Variants in MOB3B observed in about 807,000 individuals in gnomAD.
MOB3B encodes MOB kinase activator-like 2B.
A neutral mutation model predicts 18.7 loss-of-function variants in MOB3B; 7 were observed. The ratio of observed to expected loss-of-function variants is 0.37; its 90% CI spans 0.21 to 0.70. The LOEUF (loss-of-function observed/expected upper bound fraction) is 0.70. Among genes scored for constraint, MOB3B ranks in the 30% least tolerant of loss-of-function variants. The pLI is 0.52. For missense variants in MOB3B, 253 were observed against 281.3 expected, an observed-to-expected ratio of 0.90 and a Z score of 0.72; for synonymous variants, 111 against 99.9, an observed-to-expected ratio of 1.11 and a Z score of -0.66.
chr9:27,442,258 G>A (rs1412489623), intron 2 of MOB3B, among the ~76,000 whole-genome samples: 6 of 152,136 alleles, frequency 3.9e-5, no homozygotes, highest in African/African-American at 1.4e-4. Context: ...ATATGAAGGG[G>A]TTCTGAAACC....
At chr9:27,474,961 T>C (rs981131997) in intron 1 of MOB3B, among the ~76,000 whole-genome samples, 1 of 152,216 alleles carries the variant, frequency 6.6e-6, no homozygotes, top group Non-Finnish European at 1.5e-5. Context: ...ATGCTCTGAT[T>C]GAGTGAAGGC....
chr9:27,427,084 C>G (rs1018995993), intron 2 of MOB3B, among the ~76,000 whole-genome samples: 2 of 152,180 alleles, frequency 1.3e-5, no homozygotes, highest in African/African-American at 4.8e-5. Context: ...TCCCAGAATT[C>G]CAGGGCAGGG....
chr9:27,484,468 G>A (rs977278047), intron 1 of MOB3B, among the ~76,000 whole-genome samples: 26 of 152,208 alleles, frequency 1.7e-4, no homozygotes, highest in Non-Finnish European at 2.9e-5. Context: ...AAACTGATGA[G>A]TGGGAGGCAG....
intron 3 of MOB3B, among the ~76,000 whole-genome samples, chr9:27,347,163 T>A (rs1821040082): frequency 6.6e-6 from 1 of 152,254 alleles, no homozygotes; most frequent in African/African-American, 2.4e-5. Flanking sequence ...CCATTTCTTT[T>A]AATGTGGTCT....
At chr9:27,380,779 AC>A (rs1465687876) in intron 2 of MOB3B, among the ~76,000 whole-genome samples, 1 of 127,966 alleles carries the variant, frequency 7.8e-6, no homozygotes, top group Non-Finnish European at 1.6e-5. Context: ...CCTGCCCACC[AC>A]CCCCTCATAG....
intron 1 of MOB3B, among the ~76,000 whole-genome samples, chr9:27,458,358 G>A (rs565470170): frequency 3.3e-5 from 5 of 152,098 alleles, no homozygotes; most frequent in African/African-American, 7.2e-5. Flanking sequence ...CACCTCTGAC[G>A]GGAGCATGTG....
intron 1 of MOB3B, among the ~76,000 whole-genome samples, chr9:27,512,013 T>G (rs933751668): frequency 2.6e-5 from 4 of 152,178 alleles, no homozygotes; most frequent in Admixed American, 1.3e-4. Flanking sequence ...TGTGTCCCTC[T>G]AAGCCTAACC....
At chr9:27,433,549 C>A (rs1460184671) in intron 2 of MOB3B, among the ~76,000 whole-genome samples, 1 of 152,192 alleles carries the variant, frequency 6.6e-6, no homozygotes, top group Non-Finnish European at 1.5e-5. Flanking sequence ...AAAGAGAATT[C>A]TCTGCCTTCT....
chr9:27,495,977 A>G (rs1233572831), intron 1 of MOB3B, among the ~76,000 whole-genome samples: 1 of 152,274 alleles, frequency 6.6e-6, no homozygotes, highest in Non-Finnish European at 1.5e-5. Context: ...CATCATTTAC[A>G]AAACAATCAT....
chr9:27,517,321 C>A (rs1820250720), intron 1 of MOB3B, among the ~76,000 whole-genome samples: 1 of 152,184 alleles, frequency 6.6e-6, no homozygotes, highest in African/African-American at 2.4e-5. Context: ...CATTTATTGT[C>A]CACATTCTAT....
At chr9:27,342,614 G>A (rs1005985967) in intron 3 of MOB3B, among the ~76,000 whole-genome samples, 69 of 152,296 alleles carry the variant, frequency 4.5e-4, no homozygotes, top group East Asian at 1.5e-3. Flanking sequence ...TTGCAGGCGC[G>A]CGCCGCCACA....
rs72721196 is a variant in MOB3B at position 27,382,768 on chromosome 9, C to T, written c.419-23532G>A. Among the ~76,000 whole-genome samples, 667 of 151,894 alleles carry T rather than the reference C, an allele frequency of 4.4e-3. 5 individuals carry two copies. Among genetic ancestry groups the T allele is most frequent in the Non-Finnish European group, 5.0e-3 (342 of 67,994 alleles). On this transcript the variant is annotated intron_variant, in intron 2 of 3. Transcript: ENST00000262244. ...CAGGGGCCACTTGCTATGTTATTCA[C>T]TGCAGAACTGGTGCTTTTTGCAGTT...
intron 3 of MOB3B, among the ~76,000 whole-genome samples, chr9:27,343,700 CTTTTT>C (rs58115889): frequency 1.6e-5 from 2 of 123,958 alleles, no homozygotes; most frequent in African/African-American, 3.1e-5. Context: ...GAATTTTAGC[CTTTTT>C]TTTTTTTTTT....
chr9:27,376,709 AGTGTGGTCTCCGGACCAGC>A (rs990164076), intron 2 of MOB3B, among the ~76,000 whole-genome samples: 3 of 152,242 alleles, frequency 2.0e-5, no homozygotes, highest in Admixed American at 2.0e-4. Context: ...TGATTCTTTA[AGTGTGGTCTCCGGACCAGC>A]AGCACCAGCA....
intron 2 of MOB3B, among the ~76,000 whole-genome samples, chr9:27,416,468 A>G (rs2131406793): frequency 6.6e-6 from 1 of 151,780 alleles, no homozygotes; most frequent in East Asian, 1.9e-4. Context: ...TAGATATTCT[A>G]CCTATAAAAC....
chr9:27,380,113 C>T (rs1821554547), intron 2 of MOB3B, among the ~76,000 whole-genome samples: 1 of 152,168 alleles, frequency 6.6e-6, no homozygotes, highest in Non-Finnish European at 1.5e-5. Context: ...CAAGTTGTGT[C>T]TAAATCCTCA....
Position 27,499,701 on chromosome 9 carries a change from ACTATCCCAC to A in MOB3B, c.-199+29845_-199+29853del, listed in dbSNP as rs559459954. Among the ~76,000 whole-genome samples the A allele has an allele frequency of 4.4e-4, 67 of 152,242 alleles. No individual in the cohort carries two copies. In the South Asian group the frequency reaches 0.014, roughly 32 times the overall value. ...TGAAGGAAATGAGTCATTCCATGCA[ACTATCCCAC>A]CTTCTGAAGGACAAGTCACAGCAGG... On this transcript the variant is annotated intron_variant, in intron 1 of 3. Transcript: ENST00000262244.
intron 2 of MOB3B, among the ~76,000 whole-genome samples, chr9:27,430,988 G>T (rs1822409193): frequency 6.6e-6 from 1 of 151,078 alleles, no homozygotes; most frequent in South Asian, 2.1e-4. Flanking sequence ...AAAGCCCCAA[G>T]AATTTGGCCA....
chr9:27,446,970 G>A (rs1481250881), intron 2 of MOB3B, among the ~76,000 whole-genome samples: 1 of 151,316 alleles, frequency 6.6e-6, no homozygotes, highest in Non-Finnish European at 1.5e-5. Flanking sequence ...AGAAAATATG[G>A]ACAGAATTAT....
Sources: gnomAD v4.1 joint callset for allele counts (sites outside exome capture counted in the v4.1 genomes callset) on GRCh38, gnomAD v4.1.1 for gene constraint, MANE v1.5 for transcripts, NCBI Gene and HGNC (gene_info 2026-07-23, HGNC 2026-07-21) for gene names.